STPG2: variants seen among roughly 807,000 people sequenced by gnomAD.
STPG2 encodes sperm-tail PG-rich repeat-containing protein 2.
Under a neutral mutation model 54.2 loss-of-function variants are expected in STPG2, and 56 were observed. The observed-to-expected ratio is 1.03, with a 90% CI of 0.83 to 1.29. The LOEUF (loss-of-function observed/expected upper bound fraction) is 1.29. Among genes scored for constraint, STPG2 ranks in the 50% most tolerant of loss-of-function variants. The pLI, the probability that STPG2 is intolerant of heterozygous loss-of-function variation, is 0.00. For missense variants in STPG2, 596 were observed against 544.9 expected (o/e 1.09, Z -0.93); for synonymous variants, 200 against 181.8 (o/e 1.10, Z -0.81).
chr4:97,748,447 C>T (rs572462498), intron 9 of STPG2, among the ~76,000 whole-genome samples: 1 of 151,584 alleles, frequency 6.6e-6, no homozygotes, highest in African/African-American at 2.4e-5. Flanking sequence ...ATAACACTAA[C>T]CCAAAGCTTT....
chr4:98,063,171 C>A (rs1560661806), intron 5 of STPG2, among the ~76,000 whole-genome samples: 2 of 152,106 alleles, frequency 1.3e-5, no homozygotes, highest in Admixed American at 1.3e-4. Flanking sequence ...TCAATCTAGG[C>A]TGGGCACGGT....
At chr4:97,967,719 A>T (rs932212623) in intron 7 of STPG2, among the ~76,000 whole-genome samples, 1 of 152,172 alleles carries the variant, frequency 6.6e-6, no homozygotes, top group East Asian at 1.9e-4. Context: ...TCAAAACCGC[A>T]CAATTACATG....
At chr4:97,680,891 T>C (rs1723012194) in intron 10 of STPG2, among the ~76,000 whole-genome samples, 3 of 152,046 alleles carry the variant, frequency 2.0e-5, no homozygotes, top group Admixed American at 1.3e-4. Context: ...GATTATATCC[T>C]ACTCAGCTAA....
intron 7 of STPG2, among the ~76,000 whole-genome samples, chr4:97,955,500 C>G (rs904336969): frequency 2.0e-5 from 3 of 152,118 alleles, no homozygotes; most frequent in African/African-American, 4.8e-5. Flanking sequence ...CAGGTGTGAG[C>G]CACCGCACCC....
intron 4 of STPG2, among the ~76,000 whole-genome samples, chr4:97,500,852 G>A (rs773582614): frequency 6.6e-6 from 1 of 152,058 alleles, no homozygotes; most frequent in Non-Finnish European, 1.5e-5. Flanking sequence ...CTACTGAGTT[G>A]CAGGGAGAAT....
At chr4:97,963,192 C>A (rs535987550) in intron 7 of STPG2, among the ~76,000 whole-genome samples, 148 of 146,848 alleles carry the variant, frequency 1.0e-3, no homozygotes, top group Non-Finnish European at 1.8e-3. Flanking sequence ...AACAAAAAAA[C>A]AATAATTATT....
chr4:97,540,633 A>G (rs1343231542), intron 4 of STPG2, among the ~76,000 whole-genome samples: 1 of 152,220 alleles, frequency 6.6e-6, no homozygotes, highest in Admixed American at 6.5e-5. Flanking sequence ...GGCCAGCATC[A>G]TCCTGATACC....
chr4:97,618,344 C>T (rs1733924913), intron 10 of STPG2, among the ~76,000 whole-genome samples: 1 of 152,076 alleles, frequency 6.6e-6, no homozygotes, highest in South Asian at 2.1e-4. Flanking sequence ...TAGATTATAT[C>T]AGCTGCAGCT....
At chr4:97,728,199 C>T (rs773275213) in intron 9 of STPG2, among the ~76,000 whole-genome samples, 2 of 151,854 alleles carry the variant, frequency 1.3e-5, no homozygotes, top group African/African-American at 2.4e-5. Context: ...TTATCTTCAA[C>T]CTCTTTCTCC....
At chr4:97,991,251 G>C (rs1187565697) in intron 5 of STPG2, among the ~76,000 whole-genome samples, 1 of 151,676 alleles carries the variant, frequency 6.6e-6, no homozygotes, top group Admixed American at 6.6e-5. Flanking sequence ...TTTTATGGCT[G>C]AGTAGTATTC....
chr4:97,714,825 A>T (rs1272942564), intron 9 of STPG2, among the ~76,000 whole-genome samples: 3 of 152,144 alleles, frequency 2.0e-5, no homozygotes, highest in Non-Finnish European at 4.4e-5. Flanking sequence ...AACCGTAAAG[A>T]TATATAAAGG....
intron 4 of STPG2, among the ~76,000 whole-genome samples, chr4:97,510,911 A>G (rs1380157207): frequency 3.9e-5 from 6 of 152,096 alleles, no homozygotes; most frequent in African/African-American, 1.4e-4. Flanking sequence ...GAGGCTGTAC[A>G]TCGCTGTGAT....
intron 4 of STPG2, among the ~76,000 whole-genome samples, chr4:97,442,058 T>TC (rs1356161525): frequency 6.6e-6 from 1 of 151,920 alleles, no homozygotes; most frequent in Admixed American, 6.6e-5. Context: ...ACCTTTTTTT[T>TC]CACTAAGCTT....
intron 5 of STPG2, among the ~76,000 whole-genome samples, chr4:97,996,527 C>A (rs1421060219): frequency 6.6e-6 from 1 of 152,106 alleles, no homozygotes; most frequent in Non-Finnish European, 1.5e-5. Context: ...CAGGAAATAC[C>A]CTTTTGGACA....
At chr4:97,914,295 T>C (rs567825437) in intron 8 of STPG2, among the ~76,000 whole-genome samples, 8 of 152,278 alleles carry the variant, frequency 5.3e-5, no homozygotes, top group South Asian at 2.1e-4. Context: ...ATTGAAAACA[T>C]TGTAATAGTG....
chr4:97,814,424 G>A (rs892070103), intron 9 of STPG2, among the ~76,000 whole-genome samples: 2 of 152,096 alleles, frequency 1.3e-5, no homozygotes, highest in Non-Finnish European at 2.9e-5. Flanking sequence ...TGCTTCCCAG[G>A]TTCAAGTGAT....
chr4:97,740,553 T>C, intron 9 of STPG2, among the ~76,000 whole-genome samples: 1 of 152,066 alleles, frequency 6.6e-6, no homozygotes, highest in East Asian at 1.9e-4. Flanking sequence ...TCACAAGCAT[T>C]CTTATACACC....
At chr4:98,130,150 G>A (rs531732373) in intron 2 of STPG2, among the ~76,000 whole-genome samples, 21 of 151,362 alleles carry the variant, frequency 1.4e-4, no homozygotes, top group South Asian at 2.1e-4. Context: ...ACGAGCCACC[G>A]TGCCCAGTCG....
At chr4:98,005,882 C>G (rs1042576351) in intron 5 of STPG2, among the ~76,000 whole-genome samples, 1 of 152,096 alleles carries the variant, frequency 6.6e-6, no homozygotes. Flanking sequence ...TCTGGGCTAA[C>G]AAAATGAGTT....
Sources: allele counts gnomAD v4.1 joint callset (sites outside exome capture counted in the v4.1 genomes callset), GRCh38; gene constraint gnomAD v4.1.1; transcripts MANE v1.5; gene names NCBI Gene and HGNC (gene_info 2026-07-23, HGNC 2026-07-21).